The following GRIK3 variants were observed in gnomAD, a reference collection of about 807,000 sequenced individuals.
GRIK3 encodes the protein glutamate receptor ionotropic, kainate 3.
Under a neutral mutation model 102.5 loss-of-function variants are expected in GRIK3, and 29 were observed. The observed-to-expected ratio is 0.28, with a 90% CI of 0.21 to 0.39. GRIK3 has a LOEUF of 0.39. Among genes scored for constraint, GRIK3 ranks in the 10% least tolerant of loss-of-function variants. The probability of loss-of-function intolerance (pLI) is 1.00; values close to 1 mark genes in which losing one functional copy is unlikely to be tolerated. For missense variants in GRIK3, 908 were observed against 1,252.4 expected (o/e 0.73, Z 4.15); for synonymous variants, 511 against 504.9 (o/e 1.01, Z -0.16).
At chr1:36,984,703 C>T (rs907304046) in intron 1 of GRIK3, among the ~76,000 whole-genome samples, 2 of 152,224 alleles carry the variant, frequency 1.3e-5, no homozygotes, top group Non-Finnish European at 2.9e-5. Context: ...GGAAACTGTC[C>T]CAATCCCCTT....
chr1:36,945,849 C>T (rs1362986974), intron 1 of GRIK3, among the ~76,000 whole-genome samples: 1 of 152,174 alleles, frequency 6.6e-6, no homozygotes, highest in Non-Finnish European at 1.5e-5. Context: ...CTTCCTACCA[C>T]CTATGCTGGA....
chr1:36,906,125 A>G (rs1641281799), intron 1 of GRIK3, among the ~76,000 whole-genome samples: 1 of 152,212 alleles, frequency 6.6e-6, no homozygotes, highest in Admixed American at 6.5e-5. Context: ...GGATACCAAA[A>G]GAAGTCAGCA....
intron 2 of GRIK3, among the ~76,000 whole-genome samples, chr1:36,882,330 C>G (rs1418572548): frequency 6.6e-6 from 1 of 152,194 alleles, no homozygotes; most frequent in East Asian, 1.9e-4. Context: ...ATGCTTTCCA[C>G]CGGCCTGGGA....
chr1:36,899,756 G>T (rs183832702), intron 1 of GRIK3, among the ~76,000 whole-genome samples: 1 of 152,268 alleles, frequency 6.6e-6, no homozygotes, highest in Non-Finnish European at 1.5e-5. Flanking sequence ...TCAATCAAAA[G>T]AAAGTGAAAG....
chr1:36,972,360 C>G (rs1184225727), intron 1 of GRIK3, among the ~76,000 whole-genome samples: 2 of 152,224 alleles, frequency 1.3e-5, no homozygotes, highest in Non-Finnish European at 2.9e-5. Flanking sequence ...CGTACTGATT[C>G]CAGCATCTTG....
At chr1:36,999,678 G>A (rs1642454696) in intron 1 of GRIK3, among the ~76,000 whole-genome samples, 1 of 152,162 alleles carries the variant, frequency 6.6e-6, no homozygotes, top group African/African-American at 2.4e-5. Context: ...CCTACAGAAA[G>A]CACCTGCAGG....
chr1:36,864,857 T>A (rs1156668600), intron 5 of GRIK3, among the ~76,000 whole-genome samples: 4 of 148,960 alleles, frequency 2.7e-5, no homozygotes, highest in South Asian at 2.2e-4. Flanking sequence ...TTTTTTTTTT[T>A]AATTCAGACT....
intron 1 of GRIK3, among the ~76,000 whole-genome samples, chr1:36,995,402 G>GA (rs756705206): frequency 6.6e-6 from 1 of 152,170 alleles, no homozygotes; most frequent in Non-Finnish European, 1.5e-5. Flanking sequence ...TCCACGGGAT[G>GA]GCCAGGGTCC....
rs1462932991 is a variant in GRIK3, at chr1:36,806,591, C to T, written c.2092-265G>A. Among the ~76,000 whole-genome samples the T allele has an allele frequency of 3.9e-5, 6 of 152,170 alleles. No homozygotes were observed. Among genetic ancestry groups the T allele is most frequent in the Admixed American group, 3.3e-4 (5 of 15,284 alleles). The stretch of plus-strand genomic sequence containing the variant: ...GGCCATGGCACAAGTGGTCTTCAAG[C>T]TGACTTTTTAAACATGGATTTTCTT... On this transcript the variant is annotated intron_variant, in intron 13 of 15. Coordinates refer to ENST00000373091, the MANE Select transcript of GRIK3 (RefSeq NM_000831.4). The surrounding 1 kb of genome is among the most constrained non-coding windows in gnomAD (Gnocchi z 4.0).
chr1:36,940,288 C>T (rs1641704587), intron 1 of GRIK3, among the ~76,000 whole-genome samples: 1 of 152,212 alleles, frequency 6.6e-6, no homozygotes, highest in South Asian at 2.1e-4. Context: ...CCCACAGAGG[C>T]CCTATGGCTC....
At chr1:37,013,148 G>A (rs1181812094) in intron 1 of GRIK3, among the ~76,000 whole-genome samples, 1 of 152,124 alleles carries the variant, frequency 6.6e-6, no homozygotes, top group Non-Finnish European at 1.5e-5. Context: ...AAGCAAAAGG[G>A]GAAACCCCTT....
chr1:36,948,760 G>A (rs184481362), intron 1 of GRIK3, among the ~76,000 whole-genome samples: 61 of 152,308 alleles, frequency 4.0e-4, no homozygotes, highest in African/African-American at 1.3e-3. Context: ...CAATGCCTGG[G>A]GGAAGGAGCG....
intron 1 of GRIK3, among the ~76,000 whole-genome samples, chr1:37,023,712 A>G (rs181207082): frequency 3.9e-4 from 60 of 152,344 alleles, no homozygotes; most frequent in Non-Finnish European, 6.6e-4. Flanking sequence ...AGACATCAGA[A>G]TGGGAATCCC....
intron 3 of GRIK3, among the ~76,000 whole-genome samples, chr1:36,878,953 C>T (rs1640937547): frequency 6.6e-6 from 1 of 152,144 alleles, no homozygotes; most frequent in African/African-American, 2.4e-5. Flanking sequence ...CTAGGGGACT[C>T]TCCAGGTCTG....
chr1:36,995,533 T>C (rs1214082690), intron 1 of GRIK3, among the ~76,000 whole-genome samples: 1 of 152,236 alleles, frequency 6.6e-6, no homozygotes, highest in African/African-American at 2.4e-5. Flanking sequence ...TCCTGGGGAA[T>C]GATGTCTTCC....
At chr1:36,927,174 T>C (rs1186259988) in intron 1 of GRIK3, among the ~76,000 whole-genome samples, 1 of 152,232 alleles carries the variant, frequency 6.6e-6, no homozygotes, top group African/African-American at 2.4e-5. Context: ...GAGACCCTCG[T>C]TCAAGAGCTC....
At chr1:36,902,904 C>G in intron 1 of GRIK3, among the ~76,000 whole-genome samples, 1 of 152,062 alleles carries the variant, frequency 6.6e-6, no homozygotes, top group East Asian at 1.9e-4. Flanking sequence ...ATTCTCCTGT[C>G]TCAGCCTCCT....
intron 1 of GRIK3, among the ~76,000 whole-genome samples, chr1:36,987,903 G>A (rs1250812720): frequency 1.3e-5 from 2 of 152,198 alleles, no homozygotes; most frequent in Non-Finnish European, 2.9e-5. Flanking sequence ...GCAGATAAAT[G>A]TCATCCAGAT....
chr1:36,839,131 C>T lies in GRIK3; in HGVS notation c.1530+2605G>A, dbSNP rs142816434. Among the ~76,000 whole-genome samples, 1,510 of 152,254 alleles carry T rather than the reference C, an allele frequency of 9.9e-3. 16 individuals carry two copies. Among genetic ancestry groups the T allele is most frequent in the South Asian group, 0.024 (115 of 4,822 alleles). On this transcript the variant is annotated intron_variant, in intron 10 of 15. Coordinates refer to ENST00000373091, the MANE Select transcript of GRIK3 (RefSeq NM_000831.4). Reference sequence around the variant, plus strand: ...TGTGAGTGGTGAGGGTGGCCCAGCCCTGCTCACCTCCGCACCCAGCCTCCA... The same window carrying T: ...TGTGAGTGGTGAGGGTGGCCCAGCCTTGCTCACCTCCGCACCCAGCCTCCA...
Sources: allele counts gnomAD v4.1 joint callset (sites outside exome capture counted in the v4.1 genomes callset), GRCh38; gene constraint gnomAD v4.1.1; non-coding constraint Gnocchi (gnomAD v3.1); transcripts MANE v1.5; gene names NCBI Gene and HGNC (gene_info 2026-07-23, HGNC 2026-07-21).